Variants in BICDL1 observed in about 807,000 individuals in gnomAD.
BICDL1 encodes the protein BICD family-like cargo adapter 1.
A neutral mutation model predicts 76.8 loss-of-function variants in BICDL1; 20 were observed. The ratio of observed to expected loss-of-function variants is 0.26; its 90% CI spans 0.18 to 0.38. BICDL1 has a LOEUF of 0.38. Among genes scored for constraint, BICDL1 ranks in the 10% least tolerant of loss-of-function variants. The pLI is 1.00. For missense variants in BICDL1, 700 were observed against 798.6 expected (o/e 0.88, Z 1.49); for synonymous variants, 383 against 337.1 (o/e 1.14, Z -1.49).
rs1951473216 is a variant in BICDL1 at position 119,989,804 on chromosome 12, C to T, written c.-65C>T. 8.7e-6 allele frequency: 7 copies of T among 800,520 alleles called. No homozygotes were observed. Among genetic ancestry groups the T allele is most frequent in the Non-Finnish European group, 1.1e-5 (7 of 649,962 alleles). 49.6% of individuals were successfully genotyped at this position (800,520 alleles called of 1,614,324 possible). A position where few individuals can be genotyped will look rare whatever the true frequency, so the allele number is the denominator to read the frequency against. ...GACGCGGGGCGGCGCGGCAGGGCCC[C>T]TCCCCCCTGCAGCCTGGCGCGCGCG... On this transcript the variant is annotated 5_prime_UTR_variant, in exon 1 of 10. Transcript: ENST00000548673.
At chr12:120,052,216 A>G (rs1952875378) in intron 2 of BICDL1, among the ~76,000 whole-genome samples, 1 of 151,904 alleles carries the variant, frequency 6.6e-6, no homozygotes, top group Non-Finnish European at 1.5e-5. Flanking sequence ...TGCTGGGATT[A>G]CAGGCATGCC....
intron 2 of BICDL1, chr12:119,999,625 GTCAAGGCTGTAAAA>G: frequency 3.6e-6 from 1 of 281,560 alleles, no homozygotes; most frequent in South Asian, 3.3e-5. Flanking sequence ...ATTAACCAAA[GTCAAGGCTGTAAAA>G]TCATTTCAAG....
chr12:120,018,848 T>A (rs1449353679), intron 2 of BICDL1: 2 of 151,838 alleles, frequency 1.3e-5, no homozygotes, highest in Admixed American at 6.6e-5. Context: ...GATCAAGACC[T>A]TCTTGGCCAA....
At chr12:120,039,303 C>CAAAAG (rs1407923108) in intron 2 of BICDL1, among the ~76,000 whole-genome samples, 1 of 137,878 alleles carries the variant, frequency 7.3e-6, no homozygotes, top group East Asian at 2.3e-4. Context: ...TCTCCAAAAA[C>CAAAAG]AAAAGAAAAG....
At chr12:120,045,975 G>C (rs1053584116) in intron 2 of BICDL1, among the ~76,000 whole-genome samples, 1 of 151,656 alleles carries the variant, frequency 6.6e-6, no homozygotes, top group African/African-American at 2.4e-5. Flanking sequence ...GGAAGCCCAA[G>C]ATAGTCATAG....
intron 8 of BICDL1, among the ~76,000 whole-genome samples, chr12:120,085,622 G>A (rs1464662660): frequency 1.3e-5 from 2 of 151,912 alleles, no homozygotes; most frequent in Non-Finnish European, 2.9e-5. Flanking sequence ...CCAGCCTGGG[G>A]AACATAATGA....
intron 4 of BICDL1, among the ~76,000 whole-genome samples, chr12:120,068,117 T>C (rs1359658754): frequency 6.6e-6 from 1 of 152,208 alleles, no homozygotes; most frequent in Non-Finnish European, 1.5e-5. Context: ...GCTTTCTCCC[T>C]TCATGAGAAC....
intron 2 of BICDL1, among the ~76,000 whole-genome samples, chr12:120,026,035 G>A (rs925193757): frequency 1.5e-4 from 23 of 151,732 alleles, no homozygotes; most frequent in African/African-American, 5.1e-4. Context: ...ATGGGGTTTC[G>A]CCATGTTGGC....
intron 2 of BICDL1, among the ~76,000 whole-genome samples, chr12:120,008,953 T>G (rs576057445): frequency 6.6e-6 from 1 of 152,070 alleles, no homozygotes; most frequent in African/African-American, 2.4e-5. Context: ...GGTGTTTTTT[T>G]TTTTTTTTTG....
intron 8 of BICDL1, among the ~76,000 whole-genome samples, chr12:120,083,329 T>C (rs899088577): frequency 6.6e-6 from 1 of 152,076 alleles, no homozygotes; most frequent in Admixed American, 6.6e-5. Context: ...CAGTCACAGC[T>C]AACTGCATCT....
At chr12:120,064,583 T>A in intron 3 of BICDL1, 150 bp from the exon 4 acceptor site, 1 of 678,624 alleles carries the variant, frequency 1.5e-6, no homozygotes, top group Non-Finnish European at 2.3e-6. Context: ...GCTTAGGGTT[T>A]CATAGCTATT....
At chr12:120,012,930 A>G (rs1372021440) in intron 2 of BICDL1, among the ~76,000 whole-genome samples, 1 of 152,184 alleles carries the variant, frequency 6.6e-6, no homozygotes, top group African/African-American at 2.4e-5. Context: ...GGTGGGCTAT[A>G]CATGGAATAT....
intron 1 of BICDL1, chr12:119,992,404 CTTTT>C (rs1336540196): frequency 6.6e-6 from 1 of 152,170 alleles, no homozygotes; most frequent in Non-Finnish European, 1.5e-5. Context: ...GTACTTTGTA[CTTTT>C]TTCTTTTTTA....
chr12:120,091,445 G>T (rs1456004565), intron 9 of BICDL1: 2 of 1,001,876 alleles, frequency 2.0e-6, no homozygotes, highest in African/African-American at 1.7e-5. Flanking sequence ...ATTGGATTTA[G>T]CGTAGATTTT....
intron 8 of BICDL1, 142 bp from the exon 9 acceptor site, chr12:120,089,809 T>G: frequency 1.2e-5 from 11 of 954,670 alleles, no homozygotes; most frequent in Non-Finnish European, 1.6e-5. Context: ...GGCAACATCA[T>G]AGTTATTGTT....
chr12:120,065,983 C>A (rs1953211963), intron 4 of BICDL1, among the ~76,000 whole-genome samples: 1 of 152,132 alleles, frequency 6.6e-6, no homozygotes, highest in African/African-American at 2.4e-5. Flanking sequence ...GTACCTCAGT[C>A]AATGTTGAGT....
At chr12:120,073,532 C>T (rs1873275966) in intron 6 of BICDL1, among the ~76,000 whole-genome samples, 1 of 152,202 alleles carries the variant, frequency 6.6e-6, no homozygotes, top group African/African-American at 2.4e-5. Context: ...CTAGATGTGG[C>T]CACCTGTGGA....
chr12:120,037,902 A>T (rs1952557091), intron 2 of BICDL1, among the ~76,000 whole-genome samples: 1 of 152,190 alleles, frequency 6.6e-6, no homozygotes, highest in Non-Finnish European at 1.5e-5. Context: ...TCATTTCCAC[A>T]AGCCAATTCA....
At chr12:120,092,688 G>A (rs1875079932) in intron 9 of BICDL1, 3 of 985,330 alleles carry the variant, frequency 3.0e-6, no homozygotes, top group African/African-American at 3.5e-5. Context: ...AGCAGGTGGA[G>A]TGCTAGTGTG....
Sources: gnomAD v4.1 joint callset for allele counts (sites outside exome capture counted in the v4.1 genomes callset) on GRCh38, gnomAD v4.1.1 for gene constraint, MANE v1.5 for transcripts, NCBI Gene and HGNC (gene_info 2026-07-23, HGNC 2026-07-21) for gene names.